The following KCTD8 variants were observed in gnomAD, a reference collection of about 807,000 sequenced individuals.
KCTD8 encodes BTB/POZ domain-containing protein KCTD8.
In KCTD8, 27 loss-of-function variants were observed where a neutral mutation model predicts 31.5. The observed-to-expected ratio is 0.86, with a 90% CI of 0.63 to 1.18. The LOEUF is 1.18. Among genes scored for constraint, KCTD8 ranks in the 50% most tolerant of loss-of-function variants. The pLI is 0.00. For synonymous variants in KCTD8, 290 were observed against 280.0 expected, an observed-to-expected ratio of 1.04 and a Z score of -0.36; for missense variants, 658 against 647.7, an observed-to-expected ratio of 1.02 and a Z score of -0.17.
chr4:44,196,822 C>T (rs897079563), intron 1 of KCTD8, among the ~76,000 whole-genome samples: 1 of 152,178 alleles, frequency 6.6e-6, no homozygotes, highest in Admixed American at 6.5e-5. Context: ...AGAGATTTTG[C>T]AGAGGCAACA....
intron 1 of KCTD8, among the ~76,000 whole-genome samples, chr4:44,265,170 G>T (rs570838292): frequency 1.3e-5 from 2 of 152,060 alleles, no homozygotes; most frequent in South Asian, 2.1e-4. Context: ...CACCTCACAC[G>T]GCCGGGTACT....
At chr4:44,327,295 G>A (rs11933079) in intron 1 of KCTD8, among the ~76,000 whole-genome samples, 4,774 of 151,804 alleles carry the variant, frequency 0.031, 311 homozygotes, top group African/African-American at 0.11. Context: ...CGATCTGTCC[G>A]TTTTCTACAC....
intron 1 of KCTD8, among the ~76,000 whole-genome samples, chr4:44,232,619 TCA>T (rs1715155855): frequency 6.6e-6 from 1 of 152,156 alleles, no homozygotes; most frequent in Admixed American, 6.6e-5. Flanking sequence ...AATAGAAGAA[TCA>T]ACTTTGCATT....
At chr4:44,345,959 A>C (rs1288640421) in intron 1 of KCTD8, among the ~76,000 whole-genome samples, 2 of 134,632 alleles carry the variant, frequency 1.5e-5, no homozygotes, top group African/African-American at 5.5e-5. Flanking sequence ...CAATGAAAGA[A>C]ATACAAGAAA....
chr4:44,330,016 T>C (rs1254143568), intron 1 of KCTD8, among the ~76,000 whole-genome samples: 1 of 151,904 alleles, frequency 6.6e-6, no homozygotes, highest in African/African-American at 2.4e-5. Flanking sequence ...CTAGCCACTA[T>C]ACCCACTGTA....
intron 1 of KCTD8, among the ~76,000 whole-genome samples, chr4:44,396,198 A>G (rs995305968): frequency 4.6e-5 from 7 of 151,952 alleles, no homozygotes; most frequent in Non-Finnish European, 1.0e-4. Context: ...TAGGGTTTGC[A>G]CTCCTATGAG....
chr4:44,418,126 T>C (rs1721120893), intron 1 of KCTD8, among the ~76,000 whole-genome samples: 1 of 152,142 alleles, frequency 6.6e-6, no homozygotes, highest in Non-Finnish European at 1.5e-5. Flanking sequence ...CCACGAATTA[T>C]GCCTCTGCAA....
At position 44,447,708 on chromosome 4, in the gene KCTD8, C is replaced by A; in HGVS notation, c.816G>T (p.Lys272Asn). The stretch of plus-strand genomic sequence containing the variant: ...CAAAGGCCTGCTCCAAGTAGGTGAA[C>A]TTGAGGTAGAAGCGGGACGTGTACT... ...PEKYTSRFYL[K>N]FTYLEQAFDR... The change falls in exon 1 of 2, where the codon AAG becomes AAT. Residue 272 changes from lysine to asparagine, a missense_variant. Transcript: ENST00000360029. 6.2e-7 allele frequency: 1 copy of A among 1,612,640 alleles called. No homozygotes were observed. The highest frequency in any genetic ancestry group is 8.5e-7 in the Non-Finnish European group (1 of 1,179,444).
chr4:44,314,627 T>G (rs796511777), intron 1 of KCTD8, among the ~76,000 whole-genome samples: 11 of 152,202 alleles, frequency 7.2e-5, no homozygotes, highest in African/African-American at 2.6e-4. Flanking sequence ...CACTGGACAT[T>G]TTCTATGCAT....
intron 1 of KCTD8, among the ~76,000 whole-genome samples, chr4:44,437,811 A>G (rs1721707291): frequency 1.3e-5 from 2 of 151,844 alleles, no homozygotes; most frequent in Non-Finnish European, 2.9e-5. Context: ...GAACCACAAA[A>G]TAAAACAAAT....
intron 1 of KCTD8, among the ~76,000 whole-genome samples, chr4:44,437,199 A>G (rs1721676007): frequency 6.6e-6 from 1 of 152,126 alleles, no homozygotes; most frequent in African/African-American, 2.4e-5. Flanking sequence ...AGGAGAGTAT[A>G]CACTGCCCAA....
chr4:44,312,253 C>CA (rs1308475979), intron 1 of KCTD8, among the ~76,000 whole-genome samples: 1 of 151,838 alleles, frequency 6.6e-6, no homozygotes, highest in African/African-American at 2.4e-5. Context: ...AGGTGCTCAC[C>CA]AAATGTTGGG....
chr4:44,403,253 A>G (rs1196373289), intron 1 of KCTD8, among the ~76,000 whole-genome samples: 2 of 152,148 alleles, frequency 1.3e-5, no homozygotes, highest in Non-Finnish European at 2.9e-5. Flanking sequence ...TACTGTAAAA[A>G]GTGTATATAT....
At chr4:44,229,982 CT>C (rs1376090775) in intron 1 of KCTD8, among the ~76,000 whole-genome samples, 1 of 151,870 alleles carries the variant, frequency 6.6e-6, no homozygotes, top group African/African-American at 2.4e-5. Flanking sequence ...CCCCCACCCC[CT>C]GACAGGCCCT....
chr4:44,180,079 T>A (rs918609177), intron 1 of KCTD8, among the ~76,000 whole-genome samples: 1 of 152,222 alleles, frequency 6.6e-6, no homozygotes, highest in African/African-American at 2.4e-5. Flanking sequence ...ACAACATGAC[T>A]ATTAGAAATG....
intron 1 of KCTD8, among the ~76,000 whole-genome samples, chr4:44,260,964 G>T (rs1455200828): frequency 6.6e-6 from 1 of 151,952 alleles, no homozygotes; most frequent in Non-Finnish European, 1.5e-5. Context: ...GAGTTAAAAA[G>T]ATGTAAAAGA....
At chr4:44,189,034 AT>A (rs1229445389) in intron 1 of KCTD8, among the ~76,000 whole-genome samples, 1 of 152,224 alleles carries the variant, frequency 6.6e-6, no homozygotes, top group African/African-American at 2.4e-5. Context: ...GAGTTATGTC[AT>A]CTTATATAAG....
chr4:44,205,656 G>A (rs1252749339), intron 1 of KCTD8, among the ~76,000 whole-genome samples: 1 of 152,178 alleles, frequency 6.6e-6, no homozygotes, highest in African/African-American at 2.4e-5. Context: ...TACCACTGTA[G>A]TGTTAAGGAG....
In KCTD8 at chr4:44,448,193, C is replaced by A; in HGVS notation, c.331G>T (p.Asp111Tyr). ...RDGFLFRYVL[D>Y]YLRDKQLALP... is the part of the protein sequence containing the mutation. ...GCGAGTTGCTTGTCCCGCAGATAAT[C>A]CAGCACGTACCTGAAAAGGAAGCCG... The change falls in exon 1 of 2, where the codon GAT (aspartate) becomes TAT (tyrosine). Residue 111 changes from aspartate to tyrosine, a missense_variant. Physicochemically the swap from Asp to Tyr is radical, Grantham distance 160. Coordinates refer to ENST00000360029, the MANE Select transcript of KCTD8 (RefSeq NM_198353.3). The surrounding 1 kb of genome is among the most constrained non-coding windows in gnomAD (Gnocchi z 4.1). 6 of 1,612,478 alleles carry A rather than the reference C, an allele frequency of 3.7e-6. No individual in the cohort carries two copies. Among genetic ancestry groups the A allele is most frequent in the Non-Finnish European group, 5.1e-6 (6 of 1,179,732 alleles).
Sources: gnomAD v4.1 joint callset for allele counts (sites outside exome capture counted in the v4.1 genomes callset) on GRCh38, gnomAD v4.1.1 for gene constraint, Gnocchi (gnomAD v3.1) non-coding constraint, MANE v1.5 for transcripts, NCBI Gene and HGNC (gene_info 2026-07-23, HGNC 2026-07-21) for gene names.